SLC35A3: variants seen among roughly 807,000 people sequenced by gnomAD.
SLC35A3 encodes the protein solute carrier family 35 member A3, also known as UDP-N-acetylglucosamine transporter.
In SLC35A3, 26 loss-of-function variants were observed where a neutral mutation model predicts 39.0. The observed-to-expected ratio is 0.67, with a 90% CI of 0.49 to 0.92. The LOEUF is 0.92. SLC35A3 is among the 40% of genes least tolerant of loss of function. The pLI, the probability that SLC35A3 is intolerant of heterozygous loss-of-function variation, is 0.00. For missense variants in SLC35A3, 299 were observed against 371.6 expected (o/e 0.80, Z 1.61); for synonymous variants, 135 against 133.1 (o/e 1.01, Z -0.10).
At chr1:99,983,654 C>G (rs370124793) in intron 1 of SLC35A3, among the ~76,000 whole-genome samples, 12 of 151,694 alleles carry the variant, frequency 7.9e-5, no homozygotes, top group African/African-American at 2.7e-4. Context: ...GAGATGGAGT[C>G]TTGCTCTCTC....
At chr1:99,978,265 C>T (rs920496431) in intron 1 of SLC35A3, among the ~76,000 whole-genome samples, 2 of 152,196 alleles carry the variant, frequency 1.3e-5, no homozygotes, top group South Asian at 2.1e-4. Context: ...GTGGCTCATA[C>T]CTGCAATCCC....
chr1:99,978,083 T>C (rs1657226629), intron 1 of SLC35A3, among the ~76,000 whole-genome samples: 1 of 152,232 alleles, frequency 6.6e-6, no homozygotes, highest in South Asian at 2.1e-4. Context: ...GGGAATTTTT[T>C]TCTCTAGCTT....
At chr1:100,015,561 G>GAAA in intron 6 of SLC35A3, 141 bp downstream of exon 6, 2 of 858,200 alleles carry the variant, frequency 2.3e-6, no homozygotes, top group Non-Finnish European at 3.2e-6. Flanking sequence ...TCAAGGAAGT[G>GAAA]AAAATAGAAG....
At chr1:99,990,058 G>A (rs937469785) in intron 1 of SLC35A3, among the ~76,000 whole-genome samples, 10 of 152,074 alleles carry the variant, frequency 6.6e-5, no homozygotes, top group African/African-American at 2.2e-4. Flanking sequence ...CACCTGGCCC[G>A]ATTTTTAATT....
Position 100,022,570 on chromosome 1 carries a change from A to G in SLC35A3, c.*94A>G, listed in dbSNP as rs1024051874. On this transcript the variant is annotated 3_prime_UTR_variant, in exon 8 of 8. Coordinates refer to ENST00000533028, the MANE Select transcript of SLC35A3 (RefSeq NM_012243.3). ...GGACTTCTACAGAGTCTGAGAAGAT[A>G]TCATCATGCTGAATCTGATCATACT... The G allele has an allele frequency of 1.6e-6, 1 of 619,434 alleles. No homozygotes were observed. Among genetic ancestry groups the G allele is most frequent in the African/African-American group, 1.9e-5 (1 of 53,350 alleles). The allele number at this position is 619,434 out of a possible 1,614,324, so 38.4% of individuals were successfully genotyped here.
chr1:100,007,443 G>A (rs565262231), intron 4 of SLC35A3: 1 of 216,178 alleles, frequency 4.6e-6, no homozygotes, highest in Admixed American at 6.1e-5. Context: ...CTGGATATCT[G>A]TAGCATTTGA....
rs1295324379 is a variant in SLC35A3, at chr1:100,027,942, T to A, written c.*5466T>A. 1 of 90,002 alleles carries A rather than the reference T, an allele frequency of 1.1e-5. No individual in the cohort carries two copies. The highest frequency in any genetic ancestry group is 2.1e-5 in the Non-Finnish European group (1 of 46,568). 5.6% of individuals were successfully genotyped at this position (90,002 alleles called of 1,614,324 possible). A position where few individuals can be genotyped will look rare whatever the true frequency, so the allele number is the denominator to read the frequency against. ...TCTGAATCTTATAGATAATACTACC[T>A]TTTTTTTTTTTTTTTTTTTTTTTTT... On this transcript the variant is annotated 3_prime_UTR_variant, in exon 8 of 8. Transcript: ENST00000533028.
rs1223804897 is a variant in SLC35A3 at position 100,030,053 on chromosome 1, A to G, written c.*7577A>G. 2.0e-5 allele frequency: 3 copies of G among 152,330 alleles called. No individual in the cohort carries two copies. The East Asian group carries it at 5.8e-4, about 29-fold the overall frequency. The allele number at this position is 152,330 out of a possible 1,614,324, so 9.4% of individuals were successfully genotyped here. A position where few individuals can be genotyped will look rare whatever the true frequency, so the allele number is the denominator to read the frequency against. On this transcript the variant is annotated 3_prime_UTR_variant, in exon 8 of 8. Coordinates refer to ENST00000533028, the MANE Select transcript of SLC35A3 (RefSeq NM_012243.3). The stretch of plus-strand genomic sequence containing the variant: ...CATTCCTATCACCATTATAAGGAAG[A>G]GCTAAAACCTGATACCAGTTGTTAT...
chr1:99,994,605 C>G lies in SLC35A3; in HGVS notation c.187+864C>G, dbSNP rs1049172792. On this transcript the variant is annotated intron_variant, in intron 2 of 7. Transcript: ENST00000533028. Reference sequence around the variant, plus strand: ...TTTTCAAGATTTGTTCACGTTGTAACATGCATCAGAACTTTATTCCTTTTT... The same window carrying G: ...TTTTCAAGATTTGTTCACGTTGTAAGATGCATCAGAACTTTATTCCTTTTT... Among the ~76,000 whole-genome samples the G allele has an allele frequency of 1.6e-4, 25 of 152,202 alleles. 1 individual carries two copies. The highest frequency in any genetic ancestry group is 1.5e-3 in the Admixed American group (23 of 15,274).
chr1:99,999,662 A>G (rs1053418038), intron 3 of SLC35A3, among the ~76,000 whole-genome samples: 1 of 152,100 alleles, frequency 6.6e-6, no homozygotes, highest in Non-Finnish European at 1.5e-5. Context: ...TCACCTTACT[A>G]TGCTAACACT....
intron 5 of SLC35A3, among the ~76,000 whole-genome samples, chr1:100,013,699 CAT>C (rs1405325945): frequency 6.6e-6 from 1 of 151,250 alleles, no homozygotes; most frequent in Non-Finnish European, 1.5e-5. Context: ...TATACACACA[CAT>C]ACCTATTTTA....
rs1324966441 is a variant in SLC35A3 at position 100,032,926 on chromosome 1, A to G, written c.*10450A>G. The G allele has an allele frequency of 6.6e-6, 1 of 152,134 alleles. No homozygotes were observed. Among genetic ancestry groups the G allele is most frequent in the African/African-American group, 2.4e-5 (1 of 41,432 alleles). 9.4% of individuals were successfully genotyped at this position (152,134 alleles called of 1,614,324 possible). A position where few individuals can be genotyped will look rare whatever the true frequency, so the allele number is the denominator to read the frequency against. On this transcript the variant is annotated 3_prime_UTR_variant, in exon 8 of 8. Transcript: ENST00000533028. The stretch of plus-strand genomic sequence containing the variant: ...GCACAAGAAATCTGAGGCTTACCTT[A>G]TATTTGTCTTGTTCCAAATTTGGAT...
intron 5 of SLC35A3, among the ~76,000 whole-genome samples, chr1:100,013,506 C>T (rs1001913597): frequency 4.7e-5 from 7 of 148,980 alleles, no homozygotes; most frequent in Non-Finnish European, 1.0e-4. Flanking sequence ...CAAGCTACTT[C>T]GGAGGCTGAG....
intron 4 of SLC35A3, among the ~76,000 whole-genome samples, chr1:100,010,068 A>C (rs1659517354): frequency 6.6e-6 from 1 of 152,204 alleles, no homozygotes; most frequent in African/African-American, 2.4e-5. Context: ...TTAAATTAAA[A>C]TTTCAGTTCC....
intron 7 of SLC35A3, among the ~76,000 whole-genome samples, chr1:100,018,851 A>C (rs1447527972): frequency 6.6e-6 from 1 of 152,194 alleles, no homozygotes; most frequent in Non-Finnish European, 1.5e-5. Flanking sequence ...TATCCTTTTT[A>C]TATTTTTTAT....
intron 7 of SLC35A3, among the ~76,000 whole-genome samples, chr1:100,021,921 C>T (rs1483518383): frequency 2.0e-5 from 3 of 152,104 alleles, no homozygotes; most frequent in Non-Finnish European, 4.4e-5. Context: ...ATAAAATATT[C>T]CTTTCGTATG....
intron 7 of SLC35A3, among the ~76,000 whole-genome samples, chr1:100,019,150 G>T (rs868819367): frequency 6.6e-6 from 1 of 150,578 alleles, no homozygotes; most frequent in South Asian, 2.1e-4. Context: ...ACTTTTAAAA[G>T]CATACCTTTT....
At chr1:99,979,719 C>T (rs2101047732) in intron 1 of SLC35A3, among the ~76,000 whole-genome samples, 1 of 149,784 alleles carries the variant, frequency 6.7e-6, no homozygotes, top group African/African-American at 2.4e-5. Context: ...CAGACGTGAG[C>T]CACCGCGCCT....
At chr1:100,003,852 T>C (rs1374268081) in intron 3 of SLC35A3, among the ~76,000 whole-genome samples, 1 of 152,208 alleles carries the variant, frequency 6.6e-6, no homozygotes, top group East Asian at 1.9e-4. Flanking sequence ...GTTGTTGAAT[T>C]GATCCCTTTA....
Sources: gnomAD v4.1 joint callset for allele counts (sites outside exome capture counted in the v4.1 genomes callset) on GRCh38, gnomAD v4.1.1 for gene constraint, MANE v1.5 for transcripts, NCBI Gene and HGNC (gene_info 2026-07-23, HGNC 2026-07-21) for gene names.